The following ZNF112 variants were observed in gnomAD, a reference collection of about 807,000 sequenced individuals.
ZNF112 encodes zinc finger protein 112, also known as zinc finger protein 112 (Y14).
ZNF112 carries 37 observed loss-of-function variants against 77.7 expected under a neutral mutation model. That is an observed-to-expected ratio of 0.48 (90% CI 0.37 to 0.63). The LOEUF is 0.63. Ranked by LOEUF, ZNF112 falls within the 20% of genes least tolerant of loss-of-function variation. ZNF112 has a pLI of 0.00. For missense variants in ZNF112, 950 were observed against 1,077.4 expected (o/e 0.88, Z 1.66); for synonymous variants, 333 against 363.6 (o/e 0.92, Z 0.96).
rs749522366 is a variant in ZNF112 at position 44,327,563 on chromosome 19, C to A, written c.2594G>T (p.Arg865Leu). Residue 865 changes from arginine (R) to leucine (L), a missense_variant, in exon 4 of 4, where the codon CGT becomes CTT. Arg to Leu is a moderately radical substitution (Grantham distance 102). Transcript: ENST00000354340. The part of the protein sequence containing the change: ...YKCDACGKGF[R>L]WSSGLLIHQR... ...ATGAATGAGAAGACCTGAGCTCCAA[C>A]GGAAACCCTTACCACATGCATCACA... The A allele has an allele frequency of 1.2e-6, 2 of 1,613,956 alleles. No individual in the cohort carries two copies. Among genetic ancestry groups the A allele is most frequent in the African/African-American group, 1.3e-5 (1 of 74,910 alleles).
chr19:44,327,712 T>C lies in ZNF112; in HGVS notation c.2445A>G (p.Gln815=), dbSNP rs1378884907. ...CTCCTGTGTGGACTCTGTGATGGGCTTGAAGACTTGAATACCCACTGAAAC... is the reference window on the plus strand; with the variant it reads ...CTCCTGTGTGGACTCTGTGATGGGCCTGAAGACTTGAATACCCACTGAAAC... ...GKGFSGYSSL[Q]AHHRVHTGEK... Residue 815 remains glutamine (Q), a synonymous_variant, in exon 4 of 4, where the codon CAA becomes CAG. Transcript: ENST00000354340. 2 of 1,613,280 alleles carry C rather than the reference T, an allele frequency of 1.2e-6. No individual in the cohort carries two copies. Among genetic ancestry groups the C allele is most frequent in the Non-Finnish European group, 1.7e-6 (2 of 1,179,782 alleles).
intron 1 of ZNF112, among the ~76,000 whole-genome samples, chr19:44,355,480 C>A (rs1391343331): frequency 6.6e-6 from 1 of 152,114 alleles, no homozygotes; most frequent in Non-Finnish European, 1.5e-5. Context: ...ACCTTGCTTT[C>A]ACGGTCCTCT....
chr19:44,333,153 C>T (rs1970300965), intron 3 of ZNF112, among the ~76,000 whole-genome samples: 1 of 152,058 alleles, frequency 6.6e-6, no homozygotes, highest in African/African-American at 2.4e-5. Flanking sequence ...TTCAAGCAAC[C>T]CAAATTGATC....
chr19:44,328,376 T>C lies in ZNF112; in HGVS notation c.1781A>G (p.Gln594Arg). The C allele has an allele frequency of 6.2e-7, 1 of 1,614,018 alleles. No individual in the cohort carries two copies. Among genetic ancestry groups the C allele is most frequent in the Non-Finnish European group, 8.5e-7 (1 of 1,179,970 alleles). ...FSRNSYLQGH[Q>R]RVHTGEKPYK... ...TGGTTTTTCTCCAGTGTGAACTCTCTGATGGCCTTGAAGGTATGAATTTCG... is the reference window on the plus strand; with the variant it reads ...TGGTTTTTCTCCAGTGTGAACTCTCCGATGGCCTTGAAGGTATGAATTTCG... Residue 594 changes from glutamine to arginine, a missense_variant, in exon 4 of 4, where the codon CAG (glutamine) becomes CGG (arginine). Coordinates refer to ENST00000354340, the MANE Select transcript of ZNF112 (RefSeq NM_013380.4).
chr19:44,337,057 G>A (rs959237071), intron 2 of ZNF112, among the ~76,000 whole-genome samples: 1 of 150,938 alleles, frequency 6.6e-6, no homozygotes, highest in African/African-American at 2.4e-5. Context: ...TTTTTGTAGA[G>A]ACAGGGTCTC....
chr19:44,350,709 T>C (rs1321261410), intron 1 of ZNF112, among the ~76,000 whole-genome samples: 2 of 152,108 alleles, frequency 1.3e-5, no homozygotes, highest in African/African-American at 2.4e-5. Flanking sequence ...AGTATATATG[T>C]TATCTGAGCC....
chr19:44,326,814 C>T lies in ZNF112; in HGVS notation c.*619G>A, dbSNP rs1480128601. 1.3e-5 allele frequency: 2 copies of T among 152,830 alleles called. No homozygotes were observed. The highest frequency in any genetic ancestry group is 1.9e-4 in the East Asian group (1 of 5,180). 9.5% of individuals were successfully genotyped at this position (152,830 alleles called of 1,614,324 possible). On this transcript the variant is annotated 3_prime_UTR_variant, in exon 4 of 4. Transcript: ENST00000354340. Reference sequence around the variant, plus strand: ...GATGGTATAATGTATAGAGACCAAACGTTAAGAAATGCAGCACATCTCTGC... The same window carrying T: ...GATGGTATAATGTATAGAGACCAAATGTTAAGAAATGCAGCACATCTCTGC...
chr19:44,333,435 T>C (rs138255896), intron 3 of ZNF112, among the ~76,000 whole-genome samples: 60 of 152,328 alleles, frequency 3.9e-4, no homozygotes, highest in South Asian at 1.2e-3. Context: ...ACTCCTTTCT[T>C]AACCACTGAT....
chr19:44,337,715 T>G (rs1164156270), intron 2 of ZNF112, among the ~76,000 whole-genome samples: 1 of 151,234 alleles, frequency 6.6e-6, no homozygotes, highest in Non-Finnish European at 1.5e-5. Flanking sequence ...TTTTTGCCAA[T>G]TTCATGGGTG....
Position 44,351,842 on chromosome 19 carries a change from T to G in ZNF112, c.-4+4784A>C, listed in dbSNP as rs1970698471. ...TCAAGAATGAAAGAAGGGATATCAC[T>G]ACGGACTTAACAGGCATTAGAAATA... is the stretch of plus-strand genomic sequence containing the variant. On this transcript the variant is annotated intron_variant, in intron 1 of 3. Transcript: ENST00000354340. Among the ~76,000 whole-genome samples, 3 of 152,012 alleles carry G rather than the reference T, an allele frequency of 2.0e-5. No individual in the cohort carries two copies. In the South Asian group the frequency reaches 6.2e-4, roughly 31 times the overall value.
intron 1 of ZNF112, among the ~76,000 whole-genome samples, chr19:44,344,701 CATACATG>C (rs2123187808): frequency 6.6e-6 from 1 of 152,304 alleles, no homozygotes; most frequent in South Asian, 2.1e-4. Context: ...CCCTCAAATC[CATACATG>C]ATGATGGAGG....
intron 2 of ZNF112, 139 bp from the exon 3 acceptor site, chr19:44,336,857 G>C: frequency 3.3e-6 from 2 of 597,892 alleles, no homozygotes. Flanking sequence ...CTCACTATAA[G>C]AAACTAACTT....
At chr19:44,350,975 T>C (rs1970681007) in intron 1 of ZNF112, among the ~76,000 whole-genome samples, 1 of 152,136 alleles carries the variant, frequency 6.6e-6, no homozygotes, top group African/African-American at 2.4e-5. Context: ...TAATGCAATT[T>C]ATTCTTTATT....
chr19:44,329,402 T>C lies in ZNF112; in HGVS notation c.755A>G (p.Tyr252Cys). The change falls in exon 4 of 4, where the codon TAT (tyrosine) becomes TGT (cysteine). Residue 252 changes from tyrosine to cysteine, a missense_variant. This residue lies in a region of ZNF112 where 560 missense variants were observed against 557.3 expected (regional missense o/e 1.00). Transcript: ENST00000354340. Reference protein sequence around the residue: ...QESIQTEEKPYPCTGYRKAFS... With the variant: ...QESIQTEEKPCPCTGYRKAFS... ...GGCTTTTCTATACCCAGTACATGGA[T>C]AGGGCTTCTCCTCTGTTTGAATTGA... 6.2e-7 allele frequency: 1 copy of C among 1,614,060 alleles called. No individual in the cohort carries two copies. The highest frequency in any genetic ancestry group is 8.5e-7 in the Non-Finnish European group (1 of 1,179,968).
At chr19:44,353,213 A>G (rs1051814569) in intron 1 of ZNF112, among the ~76,000 whole-genome samples, 47 of 152,236 alleles carry the variant, frequency 3.1e-4, no homozygotes, top group African/African-American at 1.1e-3. Context: ...ATTCATATGT[A>G]AAGAAATAAA....
At chr19:44,359,212 A>G (rs1360186678), upstream of ZNF112, among the ~76,000 whole-genome samples, 2 of 145,664 alleles carry the variant, frequency 1.4e-5, no homozygotes, top group African/African-American at 2.5e-5. Context: ...TCTAAGTTTT[A>G]GTAATTCTGG....
chr19:44,353,401 T>C (rs1970727656), intron 1 of ZNF112, among the ~76,000 whole-genome samples: 1 of 152,020 alleles, frequency 6.6e-6, no homozygotes, highest in Admixed American at 6.6e-5. Context: ...TTAGATGTAA[T>C]TAAAATTAGA....
At chr19:44,357,014 C>A (rs1444135388), upstream of ZNF112, among the ~76,000 whole-genome samples, 1 of 152,128 alleles carries the variant, frequency 6.6e-6, no homozygotes, top group Non-Finnish European at 1.5e-5. Flanking sequence ...CCTTTCCTGG[C>A]GCGTGTGTCT....
At chr19:44,335,024 A>C (rs2123157040) in intron 3 of ZNF112, among the ~76,000 whole-genome samples, 1 of 152,358 alleles carries the variant, frequency 6.6e-6, no homozygotes, top group Admixed American at 6.5e-5. Flanking sequence ...GTGCCTGGAA[A>C]AGATGCAGGC....
Sources: gnomAD v4.1 joint callset for allele counts (sites outside exome capture counted in the v4.1 genomes callset) on GRCh38, gnomAD v4.1.1 for gene constraint, gnomAD v4.1.1 regional missense constraint, MANE v1.5 for transcripts, NCBI Gene and HGNC (gene_info 2026-07-23, HGNC 2026-07-21) for gene names.